Variants in SNAP91 observed in about 807,000 individuals in gnomAD.
SNAP91 encodes clathrin coat assembly protein AP180.
A neutral mutation model predicts 100.3 loss-of-function variants in SNAP91; 27 were observed. That is an observed-to-expected ratio of 0.27 (90% CI 0.20 to 0.37). The LOEUF (loss-of-function observed/expected upper bound fraction) is 0.37, where lower values mean the gene tolerates loss of function less well. SNAP91 is among the 10% of genes least tolerant of loss of function. The pLI is 1.00. For missense variants in SNAP91, 986 were observed against 1,123.7 expected, an observed-to-expected ratio of 0.88 and a Z score of 1.75; for synonymous variants, 404 against 398.6, an observed-to-expected ratio of 1.01 and a Z score of -0.16.
Position 83,676,352 on chromosome 6 carries a change from A to C in SNAP91, c.131-10771T>G, listed in dbSNP as rs2098897531. On this transcript the variant is annotated intron_variant, in intron 2 of 29. Transcript: ENST00000369694. ...TGTTATGAAAAATAAAAAAGTAAGA[A>C]GAGAAATAGATAGAGGATACTGCTT... Among the ~76,000 whole-genome samples the C allele has an allele frequency of 2.0e-5, 3 of 152,098 alleles. No homozygotes were observed. In the South Asian group the frequency reaches 6.2e-4, roughly 32 times the overall value.
chr6:83,649,568 T>C (rs553854846), intron 7 of SNAP91, among the ~76,000 whole-genome samples: 10 of 152,248 alleles, frequency 6.6e-5, no homozygotes, highest in African/African-American at 2.2e-4. Context: ...AGTTAGTTCA[T>C]ACCTTTTTTG....
intron 8 of SNAP91, among the ~76,000 whole-genome samples, chr6:83,630,677 C>T (rs1178173359): frequency 2.0e-5 from 3 of 151,614 alleles, no homozygotes; most frequent in Admixed American, 6.6e-5. Context: ...TCTGTGGTGT[C>T]AGTTGTACTG....
At chr6:83,563,618 T>C (rs898648238) in intron 26 of SNAP91, among the ~76,000 whole-genome samples, 2 of 152,126 alleles carry the variant, frequency 1.3e-5, no homozygotes, top group African/African-American at 4.8e-5. Context: ...AAAGAATCCA[T>C]ATACAACAAA....
intron 2 of SNAP91, among the ~76,000 whole-genome samples, chr6:83,681,535 T>C (rs537393608): frequency 6.6e-6 from 1 of 152,182 alleles, no homozygotes; most frequent in African/African-American, 2.4e-5. Context: ...GATTCATCTA[T>C]AGTTTACAAC....
At chr6:83,699,963 T>A (rs2099270578) in intron 2 of SNAP91, among the ~76,000 whole-genome samples, 1 of 152,190 alleles carries the variant, frequency 6.6e-6, no homozygotes, top group Non-Finnish European at 1.5e-5. Context: ...CAAGAAAATC[T>A]TATATATGAT....
At chr6:83,626,753 T>G (rs1341615319) in intron 8 of SNAP91, among the ~76,000 whole-genome samples, 2 of 151,890 alleles carry the variant, frequency 1.3e-5, no homozygotes, top group Non-Finnish European at 1.5e-5. Context: ...GGTCTAGGAG[T>G]TTTTTGATGG....
intron 14 of SNAP91, 116 bp downstream of exon 14, chr6:83,605,569 C>T: frequency 1.5e-6 from 2 of 1,368,332 alleles, no homozygotes; most frequent in Non-Finnish European, 2.0e-6. Flanking sequence ...ATTTTCCCTC[C>T]AAGTTTCTAA....
chr6:83,658,548 G>T (rs148333422), intron 6 of SNAP91, among the ~76,000 whole-genome samples: 3 of 152,170 alleles, frequency 2.0e-5, no homozygotes, highest in African/African-American at 7.2e-5. Context: ...GGCAGAGCTT[G>T]TGAGCGGAGA....
intron 8 of SNAP91, among the ~76,000 whole-genome samples, chr6:83,623,941 C>G (rs2096833399): frequency 6.6e-6 from 1 of 152,006 alleles, no homozygotes; most frequent in African/African-American, 2.4e-5. Context: ...CATATCAACA[C>G]ACAGAATATC....
chr6:83,572,933 C>T (rs1462223664), intron 26 of SNAP91, among the ~76,000 whole-genome samples: 1 of 152,206 alleles, frequency 6.6e-6, no homozygotes, highest in Non-Finnish European at 1.5e-5. Context: ...TATTTACTCT[C>T]TCTCCTCCTT....
intron 9 of SNAP91, among the ~76,000 whole-genome samples, chr6:83,619,439 CA>C (rs1447184580): frequency 6.6e-6 from 1 of 152,240 alleles, no homozygotes; most frequent in Admixed American, 6.5e-5. Flanking sequence ...TTCCAAGGAG[CA>C]AAAACTTTGA....
intron 11 of SNAP91, among the ~76,000 whole-genome samples, chr6:83,612,794 G>C (rs1335293955): frequency 2.6e-5 from 4 of 151,534 alleles, no homozygotes; most frequent in Non-Finnish European, 5.9e-5. Flanking sequence ...AGGAGGCTGA[G>C]GCAGGAGAAT....
chr6:83,695,093 G>C (rs1391986399), intron 2 of SNAP91, among the ~76,000 whole-genome samples: 1 of 151,848 alleles, frequency 6.6e-6, no homozygotes. Flanking sequence ...CCAACATGGT[G>C]AAACCCCATC....
intron 2 of SNAP91, among the ~76,000 whole-genome samples, chr6:83,699,584 A>T (rs982792069): frequency 2.0e-5 from 3 of 152,196 alleles, no homozygotes; most frequent in African/African-American, 7.2e-5. Flanking sequence ...TTTGAAGGAC[A>T]TAAAAAGAAA....
intron 2 of SNAP91, among the ~76,000 whole-genome samples, chr6:83,681,468 C>T (rs1443305901): frequency 6.6e-6 from 1 of 152,138 alleles, no homozygotes. Flanking sequence ...TCTTTTCCTT[C>T]ATTTGTTTAG....
At chr6:83,613,539 A>G (rs1223950009) in intron 11 of SNAP91, among the ~76,000 whole-genome samples, 6 of 152,230 alleles carry the variant, frequency 3.9e-5, no homozygotes. Flanking sequence ...TTTCAAAAGC[A>G]CCATTAATCA....
intron 8 of SNAP91, among the ~76,000 whole-genome samples, chr6:83,640,096 A>T (rs992815012): frequency 9.2e-5 from 14 of 152,200 alleles, no homozygotes; most frequent in Non-Finnish European, 1.9e-4. Flanking sequence ...TATTTAAAAA[A>T]GATTTTTATT....
chr6:83,631,930 T>TA (rs1199160601), intron 8 of SNAP91, among the ~76,000 whole-genome samples: 1 of 151,294 alleles, frequency 6.6e-6, no homozygotes, highest in African/African-American at 2.4e-5. Context: ...AAATTATATA[T>TA]TTTTTATAGG....
At chr6:83,663,126 A>G (rs1243951781) in intron 3 of SNAP91, among the ~76,000 whole-genome samples, 1 of 152,046 alleles carries the variant, frequency 6.6e-6, no homozygotes, top group Non-Finnish European at 1.5e-5. Flanking sequence ...TAAATGTGGC[A>G]TATGTTCTGA....
Sources: gnomAD v4.1 joint callset for allele counts (sites outside exome capture counted in the v4.1 genomes callset) on GRCh38, gnomAD v4.1.1 for gene constraint, MANE v1.5 for transcripts, NCBI Gene and HGNC (gene_info 2026-07-23, HGNC 2026-07-21) for gene names.